Variants in BACH2 observed in about 807,000 individuals in gnomAD.
The protein encoded by BACH2 is transcription regulator protein BACH2.
BACH2 carries 5 observed loss-of-function variants against 61.8 expected under a neutral mutation model. The ratio of observed to expected loss-of-function variants is 0.08; its 90% confidence interval spans 0.04 to 0.17. BACH2 has a LOEUF of 0.17. BACH2 is among the 10% of genes least tolerant of loss of function. The probability of loss-of-function intolerance (pLI) is 1.00; values close to 1 mark genes in which losing one functional copy is unlikely to be tolerated. For missense variants in BACH2, 824 were observed against 1,091.1 expected (o/e 0.76, Z 3.45); for synonymous variants, 446 against 440.1 (o/e 1.01, Z -0.17).
At chr6:90,164,994 G>A (rs147471705) in intron 4 of BACH2, among the ~76,000 whole-genome samples, 23,233 of 152,066 alleles carry the variant, frequency 0.15, 2,100 homozygotes, top group East Asian at 0.46. Flanking sequence ...TTCCCTTTGA[G>A]AACAGTCACA....
At position 90,050,063 on chromosome 6, in the gene BACH2, A is replaced by AT. The variant is rs993001636; in HGVS notation, c.-13+38897dup. On this transcript the variant is annotated intron_variant, in intron 5 of 8. Coordinates refer to ENST00000257749, the MANE Select transcript of BACH2 (RefSeq NM_021813.4). ...ATCTAAGCTTTCAAATAAAAACGTG[A>AT]TTTTTGGAAAATGTGTATTTCCTAC... 2.1e-4 allele frequency among the ~76,000 whole-genome samples: 32 copies of AT among 152,214 alleles called. 1 individual carries two copies. The highest frequency in any genetic ancestry group is 2.9e-5 in the Non-Finnish European group (2 of 68,034).
intron 2 of BACH2, among the ~76,000 whole-genome samples, chr6:90,257,625 C>G (rs1771020896): frequency 6.6e-6 from 1 of 152,164 alleles, no homozygotes; most frequent in Admixed American, 6.5e-5. Flanking sequence ...CTACTAACTC[C>G]TTACCAAATA....
intron 6 of BACH2, among the ~76,000 whole-genome samples, chr6:90,003,331 G>A (rs1777233210): frequency 6.6e-6 from 1 of 152,062 alleles, no homozygotes; most frequent in African/African-American, 2.4e-5. Flanking sequence ...CCTTTCCCTA[G>A]ACATCAGCAC....
chr6:90,294,530 A>G (rs1193489630), intron 1 of BACH2, among the ~76,000 whole-genome samples: 1 of 152,242 alleles, frequency 6.6e-6, no homozygotes, highest in Non-Finnish European at 1.5e-5. Context: ...AACTGAATTT[A>G]TAATGGAAAT....
intron 5 of BACH2, among the ~76,000 whole-genome samples, chr6:90,069,273 T>C (rs1160531523): frequency 6.6e-6 from 1 of 152,218 alleles, no homozygotes; most frequent in East Asian, 1.9e-4. Context: ...GATGCCTGTA[T>C]CCGGATGGCA....
At chr6:90,184,772 C>A (rs906835764) in intron 4 of BACH2, among the ~76,000 whole-genome samples, 1 of 152,162 alleles carries the variant, frequency 6.6e-6, no homozygotes, top group Non-Finnish European at 1.5e-5. Context: ...GGAAACATCA[C>A]CTTAAGGTTG....
chr6:89,953,452 G>A (rs1774244858), intron 6 of BACH2, among the ~76,000 whole-genome samples: 1 of 152,236 alleles, frequency 6.6e-6, no homozygotes, highest in South Asian at 2.1e-4. Flanking sequence ...GTCAGATGAT[G>A]AGTCCAGAGA....
At chr6:90,123,412 C>T (rs1783712267) in intron 4 of BACH2, among the ~76,000 whole-genome samples, 1 of 152,084 alleles carries the variant, frequency 6.6e-6, no homozygotes, top group Non-Finnish European at 1.5e-5. Flanking sequence ...TTAAATTGTC[C>T]AGTTTGTGAT....
chr6:90,200,265 C>T (rs1303708796), intron 4 of BACH2, among the ~76,000 whole-genome samples: 1 of 152,116 alleles, frequency 6.6e-6, no homozygotes, highest in Non-Finnish European at 1.5e-5. Flanking sequence ...TCCCAAGGGT[C>T]CCTAAACCAT....
chr6:90,014,477 T>A (rs1482968317), intron 5 of BACH2, among the ~76,000 whole-genome samples: 1,638 of 98,580 alleles, frequency 0.017, 8 homozygotes, highest in Non-Finnish European at 0.026. Flanking sequence ...TATTTTTTTT[T>A]TTTTTTTTTT....
At chr6:90,276,351 A>C (rs1771690815) in intron 1 of BACH2, among the ~76,000 whole-genome samples, 1 of 152,186 alleles carries the variant, frequency 6.6e-6, no homozygotes. Context: ...AATGTGAAGG[A>C]TTTCTCTGCC....
At chr6:90,154,969 A>G (rs1370116995) in intron 4 of BACH2, among the ~76,000 whole-genome samples, 1 of 152,230 alleles carries the variant, frequency 6.6e-6, no homozygotes, top group Admixed American at 6.5e-5. Context: ...AGCAGGCTCA[A>G]CCATAAGTCA....
intron 5 of BACH2, among the ~76,000 whole-genome samples, chr6:90,072,396 G>C (rs950572851): frequency 6.6e-6 from 1 of 152,184 alleles, no homozygotes; most frequent in Admixed American, 6.5e-5. Flanking sequence ...ATTATGAGCT[G>C]ATCTGTTTTT....
intron 4 of BACH2, among the ~76,000 whole-genome samples, chr6:90,190,470 C>T (rs1223935614): frequency 2.0e-5 from 3 of 152,224 alleles, no homozygotes; most frequent in African/African-American, 7.2e-5. Flanking sequence ...CATTCCAGAA[C>T]ACTTATCTTA....
At chr6:90,214,310 T>A (rs1056282736) in intron 3 of BACH2, among the ~76,000 whole-genome samples, 1 of 150,810 alleles carries the variant, frequency 6.6e-6, no homozygotes, top group Non-Finnish European at 1.5e-5. Flanking sequence ...GCTGAAAGAA[T>A]CCCAGACCCC....
chr6:90,113,728 A>G lies in BACH2; in HGVS notation c.-161-24619T>C, dbSNP rs939267773. 3.3e-5 allele frequency among the ~76,000 whole-genome samples: 5 copies of G among 152,150 alleles called. No individual in the cohort carries two copies. In the South Asian group the frequency reaches 8.3e-4, roughly 25 times the overall value. On this transcript the variant is annotated intron_variant, in intron 4 of 8. Coordinates refer to ENST00000257749, the MANE Select transcript of BACH2 (RefSeq NM_021813.4). ...TGAGACATGAAAATTCAAAATATCA[A>G]TGAATCCAGGATTTTTTTTTTAAAT...
intron 4 of BACH2, among the ~76,000 whole-genome samples, chr6:90,205,447 A>G (rs540429080): frequency 3.2e-4 from 48 of 152,274 alleles, no homozygotes; most frequent in African/African-American, 1.1e-3. Context: ...CTGTCCCCGT[A>G]TGGGACATTG....
intron 1 of BACH2, among the ~76,000 whole-genome samples, chr6:90,292,839 AG>A (rs1298422443): frequency 6.6e-6 from 1 of 152,264 alleles, no homozygotes; most frequent in Non-Finnish European, 1.5e-5. Context: ...TTTAAAAATC[AG>A]GAAATTCCAC....
At chr6:90,223,638 T>G (rs925080783) in intron 3 of BACH2, among the ~76,000 whole-genome samples, 1 of 152,104 alleles carries the variant, frequency 6.6e-6, no homozygotes, top group Middle Eastern at 3.4e-3. Flanking sequence ...CCAGCTAATT[T>G]TTTTTTTGTT....
Sources: gnomAD v4.1 joint callset for allele counts (sites outside exome capture counted in the v4.1 genomes callset) on GRCh38, gnomAD v4.1.1 for gene constraint, MANE v1.5 for transcripts, NCBI Gene and HGNC (gene_info 2026-07-23, HGNC 2026-07-21) for gene names.